SLC39A11: variants seen among roughly 807,000 people sequenced by gnomAD.
The protein encoded by SLC39A11 is solute carrier family 39 member 11, also known as zinc transporter ZIP11.
In SLC39A11, 33 loss-of-function variants were observed where a neutral mutation model predicts 36.1. The observed-to-expected ratio is 0.91, with a 90% confidence interval of 0.69 to 1.22. SLC39A11 has a LOEUF of 1.22. SLC39A11 is among the 50% of genes most tolerant of loss of function. The pLI, the probability that SLC39A11 is intolerant of heterozygous loss-of-function variation, is 0.00. For synonymous variants in SLC39A11, 166 were observed against 170.3 expected, an observed-to-expected ratio of 0.97 and a Z score of 0.20; for missense variants, 432 against 430.3, an observed-to-expected ratio of 1.00 and a Z score of -0.03.
At chr17:72,737,944 G>A (rs2074503470) in intron 6 of SLC39A11, among the ~76,000 whole-genome samples, 1 of 152,136 alleles carries the variant, frequency 6.6e-6, no homozygotes, top group Admixed American at 6.5e-5. Flanking sequence ...CTGGGGTCTT[G>A]TCAGTAGCAA....
At chr17:73,014,535 GTAT>G (rs2090703288) in intron 4 of SLC39A11, among the ~76,000 whole-genome samples, 1 of 152,162 alleles carries the variant, frequency 6.6e-6, no homozygotes, top group African/African-American at 2.4e-5. Context: ...AACATGAGCT[GTAT>G]CCCAGCTATT....
chr17:72,945,813 G>A (rs1479184048), intron 5 of SLC39A11, among the ~76,000 whole-genome samples: 1 of 152,186 alleles, frequency 6.6e-6, no homozygotes, highest in Non-Finnish European at 1.5e-5. Flanking sequence ...CAACTCCCCT[G>A]ACCCCGTCCC....
chr17:73,091,545 G>C (rs750215483), intron 1 of SLC39A11, among the ~76,000 whole-genome samples: 1 of 152,206 alleles, frequency 6.6e-6, no homozygotes. Flanking sequence ...ATTGGCAAGA[G>C]CAAAGAAGAG....
At chr17:72,786,006 A>G (rs1370985587) in intron 6 of SLC39A11, among the ~76,000 whole-genome samples, 1 of 152,218 alleles carries the variant, frequency 6.6e-6, no homozygotes, top group Non-Finnish European at 1.5e-5. Flanking sequence ...TCACCTTGAC[A>G]GATGAGATTC....
chr17:72,675,432 T>G (rs555763826), intron 7 of SLC39A11, among the ~76,000 whole-genome samples: 6 of 152,198 alleles, frequency 3.9e-5, no homozygotes, highest in Non-Finnish European at 7.4e-5. Context: ...TTCTGTTGTG[T>G]GTAATCTACA....
chr17:72,813,883 T>G (rs1189374825), intron 6 of SLC39A11, among the ~76,000 whole-genome samples: 1 of 152,062 alleles, frequency 6.6e-6, no homozygotes, highest in Non-Finnish European at 1.5e-5. Flanking sequence ...TCCGTAAGAG[T>G]GCTTTTGTGA....
At chr17:72,785,630 G>A (rs935367717) in intron 6 of SLC39A11, among the ~76,000 whole-genome samples, 13 of 152,314 alleles carry the variant, frequency 8.5e-5, no homozygotes, top group African/African-American at 3.1e-4. Context: ...TTATCAGAGA[G>A]GACGTAGGAA....
chr17:72,948,415 C>CA (rs1471571495), intron 4 of SLC39A11, among the ~76,000 whole-genome samples: 14 of 152,192 alleles, frequency 9.2e-5, no homozygotes, highest in East Asian at 3.9e-4. Flanking sequence ...ATCATCACTG[C>CA]CGGGCAAATG....
chr17:72,955,260 C>T (rs11651055), intron 4 of SLC39A11, among the ~76,000 whole-genome samples: 3,324 of 147,306 alleles, frequency 0.023, 54 homozygotes, highest in Non-Finnish European at 0.036. Context: ...CTTCCATCCT[C>T]CCCTGGTATC....
At chr17:72,745,774 A>C (rs930339215) in intron 6 of SLC39A11, among the ~76,000 whole-genome samples, 3 of 152,234 alleles carry the variant, frequency 2.0e-5, no homozygotes, top group African/African-American at 7.2e-5. Flanking sequence ...ATCAATGCAA[A>C]GGCCATGCAG....
chr17:72,820,223 T>C (rs1179376794), intron 6 of SLC39A11, among the ~76,000 whole-genome samples: 1 of 151,248 alleles, frequency 6.6e-6, no homozygotes, highest in Admixed American at 6.6e-5. Flanking sequence ...AAACTGCCTG[T>C]GGGAAAATGA....
chr17:73,019,826 G>T (rs1201966031), intron 4 of SLC39A11, among the ~76,000 whole-genome samples: 1 of 152,096 alleles, frequency 6.6e-6, no homozygotes, highest in Non-Finnish European at 1.5e-5. Flanking sequence ...AAGAGACGGA[G>T]ATCCTTGGAC....
intron 6 of SLC39A11, among the ~76,000 whole-genome samples, chr17:72,748,589 G>C (rs962404373): frequency 6.6e-6 from 1 of 152,154 alleles, no homozygotes; most frequent in Non-Finnish European, 1.5e-5. Flanking sequence ...CACAGGCAGC[G>C]CCTCGTTTGT....
intron 5 of SLC39A11, among the ~76,000 whole-genome samples, chr17:72,904,256 C>T (rs1448250871): frequency 6.6e-6 from 1 of 152,134 alleles, no homozygotes; most frequent in Non-Finnish European, 1.5e-5. Context: ...GCCTGGACAA[C>T]ACAGTGAGAC....
chr17:72,805,615 G>A (rs1239379181), intron 6 of SLC39A11, among the ~76,000 whole-genome samples: 6 of 152,162 alleles, frequency 3.9e-5, no homozygotes, highest in Admixed American at 6.5e-5. Context: ...GCTTCCTTCC[G>A]TCCATGGGCT....
intron 6 of SLC39A11, among the ~76,000 whole-genome samples, chr17:72,791,436 A>G (rs2145075682): frequency 6.6e-6 from 1 of 152,366 alleles, no homozygotes; most frequent in South Asian, 2.1e-4. Flanking sequence ...TGGGTGACAG[A>G]AAGAAACTCT....
chr17:73,051,187 T>C (rs1013911779), intron 3 of SLC39A11, among the ~76,000 whole-genome samples: 1 of 152,138 alleles, frequency 6.6e-6, no homozygotes, highest in African/African-American at 2.4e-5. Context: ...CCTTGACTTG[T>C]GGATACATCA....
At chr17:72,659,997 G>A (rs2070337475) in intron 7 of SLC39A11, among the ~76,000 whole-genome samples, 1 of 152,138 alleles carries the variant, frequency 6.6e-6, no homozygotes. Context: ...CAAGGCCGGA[G>A]TGCGAAGTAC....
At chr17:72,892,035 ATT>A (rs71154924) in intron 5 of SLC39A11, among the ~76,000 whole-genome samples, 1 of 66,888 alleles carries the variant, frequency 1.5e-5, no homozygotes, top group African/African-American at 5.2e-5. Flanking sequence ...AGATAAGACT[ATT>A]TTTTTTCCCC....
Sources: allele counts gnomAD v4.1 joint callset (sites outside exome capture counted in the v4.1 genomes callset), GRCh38; gene constraint gnomAD v4.1.1; transcripts MANE v1.5; gene names NCBI Gene and HGNC (gene_info 2026-07-23, HGNC 2026-07-21).